Variants in EFHC1 observed in about 807,000 individuals in gnomAD.
The protein encoded by EFHC1 is EF-hand domain containing 1.
Under a neutral mutation model 69.9 loss-of-function variants are expected in EFHC1, and 53 were observed. The observed-to-expected ratio is 0.76, with a 90% CI of 0.61 to 0.95. The LOEUF is 0.95. Among genes scored for constraint, EFHC1 ranks in the 40% least tolerant of loss-of-function variants. The probability of loss-of-function intolerance (pLI) is 0.00; values close to 1 mark genes in which losing one functional copy is unlikely to be tolerated. For missense variants in EFHC1, 739 were observed against 798.7 expected (o/e 0.93, Z 0.90); for synonymous variants, 256 against 278.4 (o/e 0.92, Z 0.80).
chr6:52,469,336 T>A lies in EFHC1; in HGVS notation c.1141T>A (p.Leu381Met). ...KREPPPVKQE[L>M]PPYNGFGLVE... ...CTTGCTTCCTATGTATCTCCAGGAG[T>A]TGCCTCCTTATAACGGTTTTGGACT... The change falls in exon 7 of 11, where the codon TTG becomes ATG. Residue 381 changes from leucine to methionine, a missense_variant. Leu to Met is a conservative substitution (Grantham distance 15). Transcript: ENST00000371068. 5.0e-6 allele frequency: 8 copies of A among 1,613,974 alleles called. No individual in the cohort carries two copies. The highest frequency in any genetic ancestry group is 6.8e-6 in the Non-Finnish European group (8 of 1,179,908).
chr6:52,435,223 T>C (rs1764504865), intron 2 of EFHC1, among the ~76,000 whole-genome samples: 1 of 152,204 alleles, frequency 6.6e-6, no homozygotes, highest in African/African-American at 2.4e-5. Context: ...ATTAAGCATA[T>C]CTAAAACTGA....
At chr6:52,445,685 T>C (rs1337369764) in intron 3 of EFHC1, among the ~76,000 whole-genome samples, 1 of 152,242 alleles carries the variant, frequency 6.6e-6, no homozygotes, top group Non-Finnish European at 1.5e-5. Flanking sequence ...CTGCTTTCTC[T>C]TGTGGGCATT....
In EFHC1 at chr6:52,454,306, A is replaced by G; in HGVS notation, c.916+19A>G. 1 of 1,613,916 alleles carries G rather than the reference A, an allele frequency of 6.2e-7. No individual in the cohort carries two copies. The highest frequency in any genetic ancestry group is 8.5e-7 in the Non-Finnish European group (1 of 1,179,814). ...AATGCAAGTATGTTTGATTCAGTTTATTCTCTGTTACTTGGGATGTTTTTA... is the reference window on the plus strand; with the variant it reads ...AATGCAAGTATGTTTGATTCAGTTTGTTCTCTGTTACTTGGGATGTTTTTA... On this transcript the variant is annotated intron_variant, in intron 5 of 10. Coordinates refer to ENST00000371068, the MANE Select transcript of EFHC1 (RefSeq NM_018100.4).
intron 3 of EFHC1, among the ~76,000 whole-genome samples, chr6:52,446,003 G>A (rs1311615654): frequency 6.6e-6 from 1 of 152,218 alleles, no homozygotes; most frequent in East Asian, 1.9e-4. Flanking sequence ...TTTGGAATAA[G>A]TGCGATGTGG....
At chr6:52,424,533 G>A (rs1764263189) in intron 2 of EFHC1, among the ~76,000 whole-genome samples, 1 of 152,154 alleles carries the variant, frequency 6.6e-6, no homozygotes, top group South Asian at 2.1e-4. Flanking sequence ...TAATCTTCAT[G>A]AGATGCAGAA....
At chr6:52,473,154 C>T (rs1223802774) in intron 7 of EFHC1, among the ~76,000 whole-genome samples, 1 of 152,058 alleles carries the variant, frequency 6.6e-6, no homozygotes, top group African/African-American at 2.4e-5. Context: ...TTAAAAGTCA[C>T]AGTAATTAAA....
chr6:52,454,250 C>A lies in EFHC1; in HGVS notation c.879C>A (p.Asn293Lys). Residue 293 changes from asparagine to lysine, a missense_variant, in exon 5 of 11, where the codon AAC becomes AAA. Transcript: ENST00000371068. ...DGRDPFPLLM[N>K]RQRVPKVLVE... ...GAGATCCTTTCCCACTCCTAATGAA[C>A]CGCCAGCGTGTGCCCAAAGTTTTGG... 7 of 1,614,154 alleles carry A rather than the reference C, an allele frequency of 4.3e-6. No individual in the cohort carries two copies. Among genetic ancestry groups the A allele is most frequent in the Non-Finnish European group, 5.9e-6 (7 of 1,180,016 alleles).
chr6:52,427,566 T>C (rs531773644), intron 2 of EFHC1, among the ~76,000 whole-genome samples: 52 of 132,158 alleles, frequency 3.9e-4, no homozygotes, highest in Non-Finnish European at 7.4e-4. Flanking sequence ...TTTTTTTTTT[T>C]CCCCTTTGCA....
At chr6:52,439,832 C>A (rs1318177400) in intron 3 of EFHC1, among the ~76,000 whole-genome samples, 1 of 152,116 alleles carries the variant, frequency 6.6e-6, no homozygotes, top group African/African-American at 2.4e-5. Context: ...TTGAGATATT[C>A]TCCCGTTCCA....
At chr6:52,473,658 T>C (rs891546082) in intron 7 of EFHC1, among the ~76,000 whole-genome samples, 12 of 152,052 alleles carry the variant, frequency 7.9e-5, no homozygotes, top group Non-Finnish European at 1.8e-4. Flanking sequence ...AGTGCACGCC[T>C]GTAGTCCCAG....
At chr6:52,451,404 C>G (rs1447565167) in intron 3 of EFHC1, among the ~76,000 whole-genome samples, 1 of 152,118 alleles carries the variant, frequency 6.6e-6, no homozygotes, top group Non-Finnish European at 1.5e-5. Context: ...CTTAGTTTGG[C>G]TAGATATGAA....
intron 7 of EFHC1, among the ~76,000 whole-genome samples, chr6:52,474,321 G>A (rs1765500484): frequency 6.6e-6 from 1 of 152,096 alleles, no homozygotes; most frequent in Admixed American, 6.6e-5. Flanking sequence ...TTAAAAATAT[G>A]TACATATGAG....
intron 3 of EFHC1, among the ~76,000 whole-genome samples, chr6:52,448,103 A>G (rs1022940430): frequency 2.0e-5 from 3 of 152,224 alleles, no homozygotes; most frequent in African/African-American, 7.2e-5. Context: ...CAAAGCTGTC[A>G]GACAGGGACG....
chr6:52,469,913 T>C (rs1428200355), intron 7 of EFHC1, among the ~76,000 whole-genome samples: 3 of 152,170 alleles, frequency 2.0e-5, no homozygotes, highest in African/African-American at 4.8e-5. Flanking sequence ...ATGTGACTAA[T>C]AGTTAAGAGC....
At chr6:52,446,480 A>G (rs1278782930) in intron 3 of EFHC1, among the ~76,000 whole-genome samples, 1 of 152,116 alleles carries the variant, frequency 6.6e-6, no homozygotes, top group Non-Finnish European at 1.5e-5. Flanking sequence ...GGTCTCCTGA[A>G]TACAGCACAC....
At chr6:52,476,457 A>G (rs1178970479) in intron 7 of EFHC1, among the ~76,000 whole-genome samples, 1 of 152,238 alleles carries the variant, frequency 6.6e-6, no homozygotes, top group African/African-American at 2.4e-5. Context: ...GAGGAGAAAC[A>G]GGATTCCCAT....
chr6:52,454,355 CA>C, intron 5 of EFHC1, 68 bp downstream of exon 5: 10 of 1,597,380 alleles, frequency 6.3e-6, no homozygotes, highest in Non-Finnish European at 8.6e-6. Flanking sequence ...GTTACTTAAT[CA>C]GTATGCAAAA....
chr6:52,470,278 A>T (rs917167615), intron 7 of EFHC1, among the ~76,000 whole-genome samples: 10 of 152,166 alleles, frequency 6.6e-5, no homozygotes, highest in African/African-American at 2.2e-4. Context: ...TAAAAACAAA[A>T]TTTTTTAAGA....
intron 9 of EFHC1, 183 bp downstream of exon 9, chr6:52,479,970 C>T: frequency 2.1e-6 from 2 of 951,844 alleles, no homozygotes; most frequent in Non-Finnish European, 3.1e-6. Flanking sequence ...TTTTCAACTT[C>T]ATTTGTTTAG....
Sources: gnomAD v4.1 joint callset for allele counts (sites outside exome capture counted in the v4.1 genomes callset) on GRCh38, gnomAD v4.1.1 for gene constraint, MANE v1.5 for transcripts, NCBI Gene and HGNC (gene_info 2026-07-23, HGNC 2026-07-21) for gene names.